MKI67: variants seen among roughly 807,000 people sequenced by gnomAD.
MKI67 encodes proliferation marker protein Ki-67.
In MKI67, 152 loss-of-function variants were observed where a neutral mutation model predicts 233.5. The ratio of observed to expected loss-of-function variants is 0.65; its 90% confidence interval spans 0.57 to 0.74. The LOEUF is 0.74. Ranked by LOEUF, MKI67 falls within the 30% of genes least tolerant of loss-of-function variation. The pLI is 0.00. For synonymous variants in MKI67, 1,465 were observed against 1,418.5 expected (o/e 1.03, Z -0.74); for missense variants, 3,940 against 3,885.2 (o/e 1.01, Z -0.37).
rs115607398 is a variant in MKI67 at position 128,122,326 on chromosome 10, T to C, written c.287+555A>G. Among the ~76,000 whole-genome samples, 790 of 152,228 alleles carry C rather than the reference T, an allele frequency of 5.2e-3. 10 individuals carry two copies. The highest frequency in any genetic ancestry group is 0.018 in the African/African-American group (739 of 41,526). ...GCACGTGTTCCCTAATCTCCACTTATAATGACACCAATCATCAGATTAGGG... is the reference window on the plus strand; with the variant it reads ...GCACGTGTTCCCTAATCTCCACTTACAATGACACCAATCATCAGATTAGGG... On this transcript the variant is annotated intron_variant, in intron 4 of 14. Transcript: ENST00000368654.
chr10:128,100,800 T>C (rs1852320184), intron 14 of MKI67, among the ~76,000 whole-genome samples: 1 of 152,240 alleles, frequency 6.6e-6, no homozygotes, highest in South Asian at 2.1e-4. Context: ...ATAGTGAGCA[T>C]GTGTCTCAGG....
intron 4 of MKI67, among the ~76,000 whole-genome samples, chr10:128,121,272 T>C (rs780957344): frequency 4.7e-5 from 7 of 150,168 alleles, no homozygotes; most frequent in Non-Finnish European, 8.9e-5. Context: ...CTTAGAATAA[T>C]AGTAGGGGAA....
In MKI67 at chr10:128,100,480, T is replaced by C. The variant is rs183334577; in HGVS notation, c.9705+778A>G. Among the ~76,000 whole-genome samples, 316 of 152,366 alleles carry C rather than the reference T, an allele frequency of 2.1e-3. 1 individual carries two copies. The highest frequency in any genetic ancestry group is 6.6e-3 in the African/African-American group (276 of 41,588). ...TTATTGCTACATGAGTTTCGTTTGC[T>C]GAACTCAGAATATGGTAGTTTTAGG... On this transcript the variant is annotated intron_variant, in intron 14 of 14. Transcript: ENST00000368654.
intron 12 of MKI67, among the ~76,000 whole-genome samples, chr10:128,110,088 T>A (rs1852636833): frequency 6.6e-6 from 1 of 152,226 alleles, no homozygotes; most frequent in Non-Finnish European, 1.5e-5. Flanking sequence ...GAGACACCAT[T>A]GTATTTTTTT....
At chr10:128,120,934 A>T (rs1377504127) in intron 4 of MKI67, among the ~76,000 whole-genome samples, 1 of 152,202 alleles carries the variant, frequency 6.6e-6, no homozygotes, top group East Asian at 1.9e-4. Flanking sequence ...GTTAAACACA[A>T]GAGGTCACCT....
rs2857028 is a variant in MKI67, at chr10:128,105,201, A to G, written c.6639T>C (p.His2213=). 386,279 of 1,613,250 alleles carry G rather than the reference A, an allele frequency of 0.24. 47,458 individuals are homozygous for G. The highest frequency in any genetic ancestry group is 0.31 in the Admixed American group (18,579 of 59,938). Residue 2213 remains histidine (H), a synonymous_variant, in exon 13 of 15, where the codon CAT becomes CAC. Transcript: ENST00000368654. ...TGCAGGCTATTTTGGTAGTTTTCTC[A>G]TGAGTCGTGGGCTTGTCAGTGCATA... ...TPICTDKPTT[H]EKTTKIACRS... is the part of the protein sequence containing the mutation.
Position 128,104,699 on chromosome 10 carries a change from G to A in MKI67, c.7141C>T (p.Pro2381Ser), listed in dbSNP as rs781388936. The A allele has an allele frequency of 8.1e-6, 13 of 1,614,056 alleles. No homozygotes were observed. Among genetic ancestry groups the A allele is most frequent in the Non-Finnish European group, 1.0e-5 (12 of 1,180,038 alleles). Residue 2381 changes from proline (P) to serine (S), a missense_variant, in exon 13 of 15, where the codon CCA becomes TCA. Pro to Ser is a moderately conservative substitution (Grantham distance 74). Transcript: ENST00000368654. ...GTGTCCATGGCTTTGCCTGCTGATG[G>A]TGTTCGTTTCCTGAGTGCTAAAAAT... ...EEFLALRKRT[P>S]SAGKAMDTPK...
Position 128,115,628 on chromosome 10 carries a change from A to C in MKI67, c.780T>G (p.Tyr260Ter), listed in dbSNP as rs765536189. Reference sequence around the variant, plus strand: ...CAGTTTGTAATCCAGATTTTCTACAATACTGTAGGACATTTTCTTTTTGTG... The same window carrying C: ...CAGTTTGTAATCCAGATTTTCTACACTACTGTAGGACATTTTCTTTTTGTG... ...VKSQKENVLQ[Y>*]CRKSGLQTDY... Residue 260 changes from tyrosine to a stop codon, truncating the protein, a stop_gained, in exon 7 of 15, where the codon TAT (tyrosine) becomes TAG (stop). Coordinates refer to ENST00000368654, the MANE Select transcript of MKI67 (RefSeq NM_002417.5). LOFTEE classifies it high-confidence loss of function. The C allele has an allele frequency of 2.5e-6, 4 of 1,614,070 alleles. No homozygotes were observed. Among genetic ancestry groups the C allele is most frequent in the Non-Finnish European group, 3.4e-6 (4 of 1,180,016 alleles).
chr10:128,119,364 C>G, intron 4 of MKI67, 45 bp from the exon 5 acceptor site: 2 of 1,407,248 alleles, frequency 1.4e-6, no homozygotes, highest in South Asian at 1.2e-5. Flanking sequence ...AAATTTATAC[C>G]CTGGGGCGGA....
At position 128,109,207 on chromosome 10, in the gene MKI67, G is replaced by C. The variant is rs773029966; in HGVS notation, c.2633C>G (p.Ser878Cys). Reference protein sequence around the residue: ...TVSTANRSGRSTEFRNIQKLP... With the variant: ...TVSTANRSGRCTEFRNIQKLP... Reference sequence around the variant, plus strand: ...CTTCTGTATATTCCTGAACTCTGTAGACCTTCCTGACCTGTTTGCAGTGGA... The same window carrying C: ...CTTCTGTATATTCCTGAACTCTGTACACCTTCCTGACCTGTTTGCAGTGGA... The change falls in exon 13 of 15, where the codon TCT becomes TGT. Residue 878 changes from serine (S) to cysteine (C), a missense_variant. Coordinates refer to ENST00000368654, the MANE Select transcript of MKI67 (RefSeq NM_002417.5). 25 of 1,613,960 alleles carry C rather than the reference G, an allele frequency of 1.5e-5. No homozygotes were observed. The Admixed American group carries it at 3.0e-4, about 19-fold the overall frequency.
intron 4 of MKI67, among the ~76,000 whole-genome samples, chr10:128,122,459 G>A (rs998975246): frequency 3.3e-5 from 5 of 152,022 alleles, no homozygotes; most frequent in Non-Finnish European, 7.4e-5. Context: ...TATGAATTTC[G>A]GGAGAGCACA....
rs1852682780 is a variant in MKI67, at chr10:128,111,779, C to T, written c.2126G>A (p.Gly709Asp). The change falls in exon 11 of 15, where the codon GGC becomes GAC. Residue 709 changes from glycine (G) to aspartate (D), a missense_variant. Transcript: ENST00000368654. ...TATGGTACAAGGAGAGTTTGCGTGG[C>T]CTGTACTAAATTGACTGTGAACTTC... ...VGEVHSQFST[G>D]HANSPCTIII... is the part of the protein sequence containing the mutation. 1 of 1,613,816 alleles carries T rather than the reference C, an allele frequency of 6.2e-7. No individual in the cohort carries two copies. The highest frequency in any genetic ancestry group is 8.5e-7 in the Non-Finnish European group (1 of 1,179,970).
At chr10:128,113,183 C>A (rs1852719942) in intron 8 of MKI67, among the ~76,000 whole-genome samples, 1 of 150,444 alleles carries the variant, frequency 6.6e-6, no homozygotes, top group African/African-American at 2.4e-5. Context: ...GGAACTTCTG[C>A]ACGAAAAGGA....
intron 7 of MKI67, among the ~76,000 whole-genome samples, chr10:128,114,724 TTC>T (rs1852758892): frequency 6.6e-6 from 1 of 152,218 alleles, no homozygotes; most frequent in Non-Finnish European, 1.5e-5. Flanking sequence ...CTTCCATCTC[TTC>T]TGTCATTCCT....
chr10:128,125,478 A>T lies in MKI67; in HGVS notation c.92+98T>A. 1 of 903,878 alleles carries T rather than the reference A, an allele frequency of 1.1e-6. No individual in the cohort carries two copies. The highest frequency in any genetic ancestry group is 1.8e-6 in the Non-Finnish European group (1 of 551,648). The allele number at this position is 903,878 out of a possible 1,614,324, so 56.0% of individuals were successfully genotyped here. On this transcript the variant is annotated intron_variant, in intron 2 of 14. Transcript: ENST00000368654. This position sits in a 1 kb window ranked among gnomAD's most constrained non-coding sequence, Gnocchi z 5.3. ...AGAAGCACCAAGGAAAAGTGACGGCAGGACCCAATCCTAGAGCGCGTTTCT... is the reference window on the plus strand; with the variant it reads ...AGAAGCACCAAGGAAAAGTGACGGCTGGACCCAATCCTAGAGCGCGTTTCT...
chr10:128,113,635 A>G (rs376309384), intron 7 of MKI67, 33 bp from the exon 8 acceptor site: 23 of 1,581,982 alleles, frequency 1.5e-5, no homozygotes, highest in African/African-American at 4.1e-5. Flanking sequence ...GGAAAGAGCA[A>G]TGAAAAAACA....
At position 128,115,861 on chromosome 10, in the gene MKI67, G is replaced by A; in HGVS notation, c.547C>T (p.His183Tyr). The change falls in exon 7 of 15, where the codon CAT (histidine) becomes TAT (tyrosine). Residue 183 changes from histidine (H) to tyrosine (Y), a missense_variant. Coordinates refer to ENST00000368654, the MANE Select transcript of MKI67 (RefSeq NM_002417.5). ...TTACGTCCAGCATGTTCTGAGGAAT[G>A]AACATTAGTTGTTCCCTGAGCAACA... ...DSVAQGTTNV[H>Y]SSEHAGRNGR... The A allele has an allele frequency of 6.2e-7, 1 of 1,608,702 alleles. No homozygotes were observed. Among genetic ancestry groups the A allele is most frequent in the African/African-American group, 1.3e-5 (1 of 75,048 alleles).
chr10:128,124,079 T>C (rs1439895709), intron 2 of MKI67, among the ~76,000 whole-genome samples: 1 of 152,224 alleles, frequency 6.6e-6, no homozygotes, highest in Non-Finnish European at 1.5e-5. Context: ...GAATTATTTC[T>C]AAATTATAAA....
At position 128,105,059 on chromosome 10, in the gene MKI67, A is replaced by T. The variant is rs938219594; in HGVS notation, c.6781T>A (p.Ser2261Thr). 2 of 1,612,406 alleles carry T rather than the reference A, an allele frequency of 1.2e-6. No individual in the cohort carries two copies. The highest frequency in any genetic ancestry group is 1.7e-6 in the Non-Finnish European group (2 of 1,179,702). Reference sequence around the variant, plus strand: ...GGTGTGTCCATAGCTTTCCCTACTGATGGTGTTCGTTTCCTGAGTGCTAAG... The same window carrying T: ...GGTGTGTCCATAGCTTTCCCTACTGTTGGTGTTCGTTTCCTGAGTGCTAAG... ...ESLALRKRTPSVGKAMDTPKP... is the reference protein window; with the variant it reads ...ESLALRKRTPTVGKAMDTPKP... Residue 2261 changes from serine to threonine, a missense_variant, in exon 13 of 15, where the codon TCA becomes ACA. Ser to Thr is a moderately conservative substitution (Grantham distance 58). Coordinates refer to ENST00000368654, the MANE Select transcript of MKI67 (RefSeq NM_002417.5).
Sources: gnomAD v4.1 joint callset for allele counts (sites outside exome capture counted in the v4.1 genomes callset) on GRCh38, gnomAD v4.1.1 for gene constraint, Gnocchi (gnomAD v3.1) non-coding constraint, MANE v1.5 for transcripts, NCBI Gene and HGNC (gene_info 2026-07-23, HGNC 2026-07-21) for gene names.